The following OSBPL9 variants were observed in gnomAD, a reference collection of about 807,000 sequenced individuals.
The protein encoded by OSBPL9 is oxysterol-binding protein-related protein 9.
Under a neutral mutation model 106.6 loss-of-function variants are expected in OSBPL9, and 40 were observed. That is an observed-to-expected ratio of 0.38 (90% CI 0.29 to 0.49). The LOEUF (loss-of-function observed/expected upper bound fraction) is 0.49, where lower values mean the gene tolerates loss of function less well. Ranked by LOEUF, OSBPL9 falls within the 20% of genes least tolerant of loss-of-function variation. The pLI, the probability that OSBPL9 is intolerant of heterozygous loss-of-function variation, is 0.97. For missense variants in OSBPL9, 609 were observed against 887.2 expected, an observed-to-expected ratio of 0.69 and a Z score of 3.98; for synonymous variants, 269 against 295.4, an observed-to-expected ratio of 0.91 and a Z score of 0.92.
intron 2 of OSBPL9, among the ~76,000 whole-genome samples, chr1:51,661,346 G>T (rs540409537): frequency 1.3e-5 from 2 of 152,170 alleles, no homozygotes; most frequent in Admixed American, 6.5e-5. Context: ...ACCCCAAGCC[G>T]TGAGAGCAAA....
chr1:51,738,475 T>C (rs1400450647), intron 4 of OSBPL9, among the ~76,000 whole-genome samples: 1 of 152,038 alleles, frequency 6.6e-6, no homozygotes, highest in Non-Finnish European at 1.5e-5. Flanking sequence ...AAAAAAACTT[T>C]CTTTATATTG....
intron 21 of OSBPL9, 25 bp from the exon 22 acceptor site, chr1:51,786,501 C>T (rs1237078004): frequency 2.7e-6 from 4 of 1,493,862 alleles, no homozygotes; most frequent in Non-Finnish European, 3.7e-6. Context: ...GGGTCTAGTT[C>T]CCATCCACCT....
chr1:51,611,721 C>T (rs1200647410), intron 2 of OSBPL9, among the ~76,000 whole-genome samples: 1 of 152,188 alleles, frequency 6.6e-6, no homozygotes, highest in Non-Finnish European at 1.5e-5. Context: ...CCTGTAATCC[C>T]ACACTCTGGA....
At chr1:51,771,967 G>A in intron 12 of OSBPL9, 103 bp from the exon 13 acceptor site, 1 of 745,432 alleles carries the variant, frequency 1.3e-6, no homozygotes. Flanking sequence ...GAATTCTAAA[G>A]CATATATATG....
At chr1:51,768,447 C>T (rs1345017763) in intron 12 of OSBPL9, among the ~76,000 whole-genome samples, 1 of 152,146 alleles carries the variant, frequency 6.6e-6, no homozygotes, top group Non-Finnish European at 1.5e-5. Context: ...CTCCTGACCT[C>T]AGGCTGTCCG....
intron 4 of OSBPL9, among the ~76,000 whole-genome samples, chr1:51,736,886 TA>T (rs2148966313): frequency 6.6e-6 from 1 of 152,282 alleles, no homozygotes; most frequent in African/African-American, 2.4e-5. Flanking sequence ...CCTAACCAAC[TA>T]AAGTATCTCA....
intron 4 of OSBPL9, among the ~76,000 whole-genome samples, chr1:51,723,481 C>T (rs893693539): frequency 6.6e-6 from 1 of 151,964 alleles, no homozygotes; most frequent in Non-Finnish European, 1.5e-5. Context: ...CTTGATAGCT[C>T]ATTTCTTTCC....
At chr1:51,565,317 A>G in the OSBPL9 span, among the ~76,000 whole-genome samples, 4 of 152,012 alleles carry the variant, frequency 2.6e-5, no homozygotes, top group Non-Finnish European at 1.5e-5. Flanking sequence ...TTCCCCAAAT[A>G]CTGAACTACT....
chr1:51,666,422 A>G (rs1648528756), intron 2 of OSBPL9, among the ~76,000 whole-genome samples: 1 of 152,100 alleles, frequency 6.6e-6, no homozygotes, highest in Non-Finnish European at 1.5e-5. Flanking sequence ...GTGTTTTTAA[A>G]AATTTAAAAT....
At chr1:51,720,552 T>G (rs574479844) in intron 4 of OSBPL9, among the ~76,000 whole-genome samples, 82 of 152,220 alleles carry the variant, frequency 5.4e-4, no homozygotes, top group African/African-American at 1.7e-3. Context: ...CTCAATCTCC[T>G]GACCTTGTGA....
At chr1:51,695,331 C>T (rs1182163729) in intron 3 of OSBPL9, among the ~76,000 whole-genome samples, 3 of 152,198 alleles carry the variant, frequency 2.0e-5, no homozygotes, top group East Asian at 3.8e-4. Context: ...ATTGTTCTTA[C>T]AGCATCATTG....
At chr1:51,595,916 C>A (rs986607444) in intron 1 of OSBPL9, among the ~76,000 whole-genome samples, 1 of 152,100 alleles carries the variant, frequency 6.6e-6, no homozygotes, top group Non-Finnish European at 1.5e-5. Flanking sequence ...CCTTCTCATT[C>A]CAGTGCCTTC....
At chr1:51,558,361 T>C in the OSBPL9 span, among the ~76,000 whole-genome samples, 1 of 152,000 alleles carries the variant, frequency 6.6e-6, no homozygotes, top group Non-Finnish European at 1.5e-5. Context: ...ACTGCCTTTG[T>C]AAACTAACAA....
chr1:51,664,418 T>C (rs569208116), intron 2 of OSBPL9, among the ~76,000 whole-genome samples: 22 of 152,186 alleles, frequency 1.4e-4, no homozygotes, highest in Non-Finnish European at 2.2e-4. Flanking sequence ...GGGCCAGGCA[T>C]GATGACTCCT....
the OSBPL9 span, among the ~76,000 whole-genome samples, chr1:51,544,836 G>GTTTTTTTTT: frequency 7.9e-6 from 1 of 126,688 alleles, no homozygotes; most frequent in African/African-American, 3.1e-5. Context: ...TAAGAGACAT[G>GTTTTTTTTT]CTTTTTTTTT....
At chr1:51,787,549 T>A (rs967198655) in intron 23 of OSBPL9, 61 bp downstream of exon 23, 26 of 1,608,596 alleles carry the variant, frequency 1.6e-5, no homozygotes, top group Non-Finnish European at 1.4e-5. Flanking sequence ...CAGTGAATGT[T>A]GAAGAAGTGA....
Position 51,698,553 on chromosome 1 carries a change from G to A in OSBPL9, c.242-15450G>A, listed in dbSNP as rs972010858. Among the ~76,000 whole-genome samples the A allele has an allele frequency of 3.9e-5, 6 of 152,166 alleles. No individual in the cohort carries two copies. The East Asian group carries it at 9.7e-4, about 25-fold the overall frequency. On this transcript the variant is annotated intron_variant, in intron 3 of 23. Transcript: ENST00000428468. ...TCAAATGTACTTCTTATTGTGGGTC[G>A]CAGTCAAACAAAATTTGGAGCCCAC...
At chr1:51,698,487 C>T (rs998872041) in intron 3 of OSBPL9, among the ~76,000 whole-genome samples, 3 of 151,764 alleles carry the variant, frequency 2.0e-5, no homozygotes, top group East Asian at 2.0e-4. Context: ...CACATATGTA[C>T]ACATATGTGT....
At chr1:51,719,662 G>GA (rs1388858813) in intron 4 of OSBPL9, among the ~76,000 whole-genome samples, 1 of 152,040 alleles carries the variant, frequency 6.6e-6, no homozygotes, top group Non-Finnish European at 1.5e-5. Flanking sequence ...GCCCATTTTA[G>GA]AAAAAACTCT....
Sources: allele counts gnomAD v4.1 joint callset (sites outside exome capture counted in the v4.1 genomes callset), GRCh38; gene constraint gnomAD v4.1.1; transcripts MANE v1.5; gene names NCBI Gene and HGNC (gene_info 2026-07-23, HGNC 2026-07-21).